MAP2K6: variants seen among roughly 807,000 people sequenced by gnomAD.
MAP2K6 encodes dual specificity mitogen-activated protein kinase kinase 6.
Under a neutral mutation model 53.7 loss-of-function variants are expected in MAP2K6, and 16 were observed. That is an observed-to-expected ratio of 0.30 (90% confidence interval 0.20 to 0.45). MAP2K6 has a LOEUF of 0.45. Ranked by LOEUF, MAP2K6 falls within the 20% of genes least tolerant of loss-of-function variation. The probability of loss-of-function intolerance (pLI) is 1.00; values close to 1 mark genes in which losing one functional copy is unlikely to be tolerated. For missense variants in MAP2K6, 204 were observed against 411.9 expected, an observed-to-expected ratio of 0.50 and a Z score of 4.37; for synonymous variants, 132 against 143.1, an observed-to-expected ratio of 0.92 and a Z score of 0.55.
At position 69,552,058 on chromosome 17, in the gene MAP2K6, A is replaced by G. The variant is rs1912121167; in HGVS notation, c.*10305A>G. On this transcript the variant is annotated 3_prime_UTR_variant, in exon 12 of 12. Coordinates refer to ENST00000590474, the MANE Select transcript of MAP2K6 (RefSeq NM_002758.4). ...ATTAATATGGACTTTGTAAGGAAAC[A>G]CAACAACACGTTTTCTTACCTTCTG... The G allele has an allele frequency of 6.6e-6, 1 of 152,156 alleles. No individual in the cohort carries two copies. The highest frequency in any genetic ancestry group is 2.1e-4 in the South Asian group (1 of 4,832). The allele number at this position is 152,156 out of a possible 1,614,324, so 9.4% of individuals were successfully genotyped here.
chr17:69,435,115 C>A (rs761165070), intron 1 of MAP2K6: 11 of 152,134 alleles, frequency 7.2e-5, no homozygotes, highest in Non-Finnish European at 1.0e-4. Flanking sequence ...AAACCATATT[C>A]TAATAGTAAC....
Position 69,533,423 on chromosome 17 carries a change from T to C in MAP2K6, c.882-2692T>C, listed in dbSNP as rs567938666. ...TTTCTGCTAAATATAAGGTAAAAAA[T>C]CAGCACATTTTTACATTTGAGAAAC... is the stretch of plus-strand genomic sequence containing the variant. On this transcript the variant is annotated intron_variant, in intron 10 of 11. Coordinates refer to ENST00000590474, the MANE Select transcript of MAP2K6 (RefSeq NM_002758.4). Among the ~76,000 whole-genome samples the C allele has an allele frequency of 1.7e-3, 257 of 152,282 alleles. 3 individuals are homozygous for C. Among genetic ancestry groups the C allele is most frequent in the African/African-American group, 6.0e-3 (249 of 41,540 alleles).
intron 1 of MAP2K6, among the ~76,000 whole-genome samples, chr17:69,451,138 C>T (rs1907211101): frequency 6.6e-6 from 1 of 152,202 alleles, no homozygotes; most frequent in Non-Finnish European, 1.5e-5. Flanking sequence ...CGAAGGCAAA[C>T]AATTAGAGTT....
chr17:69,457,562 G>T (rs528177788), intron 1 of MAP2K6, among the ~76,000 whole-genome samples: 4 of 152,294 alleles, frequency 2.6e-5, no homozygotes, highest in African/African-American at 9.6e-5. Flanking sequence ...GCTTGCAGCT[G>T]GGTGCAGTGG....
At chr17:69,534,093 G>T (rs532043758) in intron 10 of MAP2K6, among the ~76,000 whole-genome samples, 45 of 152,216 alleles carry the variant, frequency 3.0e-4, no homozygotes, top group African/African-American at 1.1e-3. Flanking sequence ...CAACATCCCT[G>T]GCCTCTACCT....
chr17:69,534,950 GTTTCT>G (rs1911280363), intron 10 of MAP2K6, among the ~76,000 whole-genome samples: 2 of 149,346 alleles, frequency 1.3e-5, no homozygotes, highest in African/African-American at 4.9e-5. Flanking sequence ...CAAGTAAATT[GTTTCT>G]TTTCTTTTCT....
intron 1 of MAP2K6, among the ~76,000 whole-genome samples, chr17:69,489,048 C>T (rs905596350): frequency 1.3e-5 from 2 of 151,558 alleles, no homozygotes; most frequent in East Asian, 3.9e-4. Flanking sequence ...TGGTGAAACC[C>T]CGTCTCTAGT....
chr17:69,502,786 C>CTA (rs1335075177), intron 1 of MAP2K6: 1 of 841,962 alleles, frequency 1.2e-6, no homozygotes, highest in Admixed American at 6.2e-5. Flanking sequence ...GAAGACTTTA[C>CTA]TATTATTTTG....
chr17:69,526,743 AAAG>A (rs1270360853), intron 10 of MAP2K6, 34 bp downstream of exon 10: 13 of 1,600,506 alleles, frequency 8.1e-6, no homozygotes, highest in Middle Eastern at 1.7e-4. Context: ...TGTCAGTGTG[AAAG>A]AAGAAGATGA....
At chr17:69,415,083 C>G (rs900261626) in intron 1 of MAP2K6, 83 bp downstream of exon 1, 16 of 1,349,518 alleles carry the variant, frequency 1.2e-5, no homozygotes, top group South Asian at 1.2e-5. Flanking sequence ...TTTCGCCTGG[C>G]GAGTGCATTT....
intron 1 of MAP2K6, among the ~76,000 whole-genome samples, chr17:69,453,058 C>T (rs1356252147): frequency 6.6e-6 from 1 of 152,158 alleles, no homozygotes; most frequent in Non-Finnish European, 1.5e-5. Context: ...GACGAAGTGA[C>T]TCATGGAGAC....
chr17:69,427,102 A>G (rs1248347314), intron 1 of MAP2K6, among the ~76,000 whole-genome samples: 1 of 152,230 alleles, frequency 6.6e-6, no homozygotes, highest in Admixed American at 6.5e-5. Context: ...TAGCTGGGTC[A>G]GGGAATATTT....
rs965621117 is a variant in MAP2K6 at position 69,511,840 on chromosome 17, G to A, written c.84-5015G>A. On this transcript the variant is annotated intron_variant, in intron 2 of 11. Transcript: ENST00000590474. ...TAAAAATACAAAAAATTAGCTGGGC[G>A]TGGTGGCGGGCACCTGTAATCCCAG... is the stretch of plus-strand genomic sequence containing the variant. 1.2e-4 allele frequency among the ~76,000 whole-genome samples: 19 copies of A among 152,190 alleles called. No homozygotes were observed. The East Asian group carries it at 1.5e-3, about 12-fold the overall frequency.
chr17:69,511,759 C>A (rs1302565050), intron 2 of MAP2K6, among the ~76,000 whole-genome samples: 2 of 152,154 alleles, frequency 1.3e-5, no homozygotes, highest in African/African-American at 4.8e-5. Context: ...CTAAACTTCA[C>A]TAGTTGAATA....
At chr17:69,528,859 C>CAAA (rs58897757) in intron 10 of MAP2K6, among the ~76,000 whole-genome samples, 6 of 59,116 alleles carry the variant, frequency 1.0e-4, no homozygotes, top group Non-Finnish European at 1.4e-4. Context: ...GACGCCATCT[C>CAAA]AAAAAAAAAA....
chr17:69,475,236 T>C (rs1402871163), intron 1 of MAP2K6, among the ~76,000 whole-genome samples: 1 of 146,702 alleles, frequency 6.8e-6, no homozygotes, highest in Non-Finnish European at 1.5e-5. Context: ...TGGCGCGATC[T>C]CGGCTCACTG....
At chr17:69,502,225 C>G in intron 1 of MAP2K6, 1 of 985,450 alleles carries the variant, frequency 1.0e-6, no homozygotes, top group Non-Finnish European at 1.2e-6. Flanking sequence ...CAGAGGTTTG[C>G]TGCAATCCGA....
At chr17:69,469,039 C>A (rs972096458) in intron 1 of MAP2K6, among the ~76,000 whole-genome samples, 1 of 152,170 alleles carries the variant, frequency 6.6e-6, no homozygotes, top group Non-Finnish European at 1.5e-5. Context: ...TTGTGGTCTG[C>A]AGCAGAGAGT....
At chr17:69,474,657 T>C (rs1279018042) in intron 1 of MAP2K6, among the ~76,000 whole-genome samples, 1 of 152,180 alleles carries the variant, frequency 6.6e-6, no homozygotes, top group Non-Finnish European at 1.5e-5. Context: ...GACAAGTTGA[T>C]CTCTTTCTAT....
Sources: allele counts gnomAD v4.1 joint callset (sites outside exome capture counted in the v4.1 genomes callset), GRCh38; gene constraint gnomAD v4.1.1; transcripts MANE v1.5; gene names NCBI Gene and HGNC (gene_info 2026-07-23, HGNC 2026-07-21).